ACTN1: variants seen among roughly 807,000 people sequenced by gnomAD.
The protein encoded by ACTN1 is actinin alpha 1, also known as alpha-actinin-1.
ACTN1 carries 30 observed loss-of-function variants against 119.6 expected under a neutral mutation model. The observed-to-expected ratio is 0.25, with a 90% CI of 0.19 to 0.34. The LOEUF is 0.34. Ranked by LOEUF, ACTN1 falls within the 10% of genes least tolerant of loss-of-function variation. The pLI, the probability that ACTN1 is intolerant of heterozygous loss-of-function variation, is 1.00. For synonymous variants in ACTN1, 429 were observed against 472.6 expected (o/e 0.91, Z 1.20); for missense variants, 764 against 1,223.4 (o/e 0.62, Z 5.60).
At chr14:68,891,811 G>C (rs1210411692) in intron 10 of ACTN1, among the ~76,000 whole-genome samples, 6 of 152,150 alleles carry the variant, frequency 3.9e-5, no homozygotes, top group Admixed American at 3.3e-4. Flanking sequence ...GATGCTCAGG[G>C]GTCTGGAAGG....
Position 68,925,758 on chromosome 14 carries a change from G to A in ACTN1, c.106-86C>T. ...AGCCATTTAATGGTGCCAGGGGGTG[G>A]GAGGTGGACACCTACTCAGCAGAGC... On this transcript the variant is annotated intron_variant, in intron 1 of 21. Coordinates refer to ENST00000394419, the MANE Select transcript of ACTN1 (RefSeq NM_001130004.2). The surrounding 1 kb of genome is among the most constrained non-coding windows in gnomAD (Gnocchi z 4.3). 9.5e-7 allele frequency: 1 copy of A among 1,051,134 alleles called. No individual in the cohort carries two copies. 65.1% of individuals were successfully genotyped at this position (1,051,134 alleles called of 1,614,324 possible).
chr14:68,880,910 A>G lies in ACTN1; in HGVS notation c.2033T>C (p.Ile678Thr). The change falls in exon 17 of 22, where the codon ATC becomes ACC. Residue 678 changes from isoleucine to threonine, a missense_variant. Coordinates refer to ENST00000394419, the MANE Select transcript of ACTN1 (RefSeq NM_001130004.2). This position sits in a 1 kb window ranked among gnomAD's most constrained non-coding sequence, Gnocchi z 4.6. ...LSHLRQYEKS[I>T]VNYKPKIDQL... Reference sequence around the variant, plus strand: ...ATCAATCTTTGGCTTGTAGTTGACGATGCTCTTCTCATACTGCCGCAGGTG... The same window carrying G: ...ATCAATCTTTGGCTTGTAGTTGACGGTGCTCTTCTCATACTGCCGCAGGTG... The G allele has an allele frequency of 6.2e-7, 1 of 1,614,074 alleles. No homozygotes were observed. Among genetic ancestry groups the G allele is most frequent in the Non-Finnish European group, 8.5e-7 (1 of 1,179,976 alleles).
intron 8 of ACTN1, among the ~76,000 whole-genome samples, chr14:68,898,548 C>T (rs974933617): frequency 3.3e-5 from 5 of 152,104 alleles, no homozygotes; most frequent in African/African-American, 9.7e-5. Context: ...CTTTCCTCAT[C>T]GGTGCCAGCC....
rs990329899 is a variant in ACTN1, at chr14:68,921,187, C to A, written c.221-62G>T. 5 of 1,594,736 alleles carry A rather than the reference C, an allele frequency of 3.1e-6. No individual in the cohort carries two copies. In the Admixed American group the frequency reaches 8.5e-5, roughly 27 times the overall value. ...CGCTATGAGCCAGGGGCCAGAGCTACTACCACTACACCCTCATCCAAAGCA... is the reference window on the plus strand; with the variant it reads ...CGCTATGAGCCAGGGGCCAGAGCTAATACCACTACACCCTCATCCAAAGCA... On this transcript the variant is annotated intron_variant, in intron 2 of 21. Transcript: ENST00000394419.
intron 1 of ACTN1, among the ~76,000 whole-genome samples, chr14:68,962,730 T>G (rs1476426482): frequency 6.6e-6 from 1 of 152,230 alleles, no homozygotes; most frequent in Non-Finnish European, 1.5e-5. Context: ...ACATCCCCTC[T>G]TTCAAATGAC....
chr14:68,885,599 G>A lies in ACTN1; in HGVS notation c.1235-24C>T, dbSNP rs1171687648. The A allele has an allele frequency of 1.9e-6, 3 of 1,608,638 alleles. No homozygotes were observed. Among genetic ancestry groups the A allele is most frequent in the East Asian group, 4.5e-5 (2 of 44,860 alleles). The stretch of plus-strand genomic sequence containing the variant: ...GCCTGGGTTGAGAGAGGGCCACATG[G>A]CTGAGCTGGAGTGAGAAGCATCTCC... On this transcript the variant is annotated intron_variant, in intron 11 of 21. Transcript: ENST00000394419. This position sits in a 1 kb window ranked among gnomAD's most constrained non-coding sequence, Gnocchi z 5.6.
chr14:68,925,550 CGCCTCACCT>C lies in ACTN1; in HGVS notation c.219_220+7del. ...CAGTATCTCGTCCTGGGCCAGGTTCCGCCTCACCTGAGATGACCTCCAGCAGCAGCATGA... is the reference window on the plus strand; with the variant it reads ...CAGTATCTCGTCCTGGGCCAGGTTCCGAGATGACCTCCAGCAGCAGCATGA... On this transcript the variant is annotated splice_donor_variant and splice_donor_5th_base_variant and coding_sequence_variant and intron_variant, in exon 2 of 22. Coordinates refer to ENST00000394419, the MANE Select transcript of ACTN1 (RefSeq NM_001130004.2). LOFTEE classifies it high-confidence loss of function. This position sits in a 1 kb window ranked among gnomAD's most constrained non-coding sequence, Gnocchi z 4.3. 6.2e-7 allele frequency: 1 copy of C among 1,608,758 alleles called. No individual in the cohort carries two copies. Among genetic ancestry groups the C allele is most frequent in the Non-Finnish European group, 8.5e-7 (1 of 1,176,514 alleles).
chr14:68,874,968 G>A lies in ACTN1; in HGVS notation c.2636C>T (p.Ala879Val), dbSNP rs780057510. The change falls in exon 22 of 22, where the codon GCT becomes GTT. Residue 879 changes from alanine to valine, a missense_variant. By Grantham distance (64) the Ala-to-Val change is moderately conservative. Coordinates refer to ENST00000394419, the MANE Select transcript of ACTN1 (RefSeq NM_001130004.2). The stretch of plus-strand genomic sequence containing the variant: ...GGCCATCCGCGCGATGCAGTACTCA[G>A]CCTGGTCGGGTGGCAGCTCGCGGCG... ...ELRRELPPDQAEYCIARMAPY... is the reference protein window; with the variant it reads ...ELRRELPPDQVEYCIARMAPY... 4.3e-6 allele frequency: 7 copies of A among 1,613,822 alleles called. No homozygotes were observed. The South Asian group carries it at 7.7e-5, about 18-fold the overall frequency.
intron 3 of ACTN1, among the ~76,000 whole-genome samples, chr14:68,915,171 A>C (rs1594807106): frequency 6.6e-6 from 1 of 151,406 alleles, no homozygotes; most frequent in African/African-American, 2.4e-5. Flanking sequence ...ACAGCTTCCC[A>C]CCTCCCTGAG....
chr14:68,898,999 A>G (rs1167778088), intron 8 of ACTN1, among the ~76,000 whole-genome samples: 1 of 138,158 alleles, frequency 7.2e-6, no homozygotes, highest in Non-Finnish European at 1.6e-5. Flanking sequence ...CACCACACAC[A>G]CCCTACACCT....
intron 9 of ACTN1, 53 bp downstream of exon 9, chr14:68,893,602 C>T: frequency 2.6e-6 from 4 of 1,547,822 alleles, no homozygotes; most frequent in Non-Finnish European, 3.6e-6. Flanking sequence ...GGTACACGTT[C>T]TAGGGGACTG....
chr14:68,957,641 T>C (rs576018225), intron 1 of ACTN1, among the ~76,000 whole-genome samples: 1 of 152,294 alleles, frequency 6.6e-6, no homozygotes, highest in South Asian at 2.1e-4. Flanking sequence ...TGTAACTGCT[T>C]AGGTGATGGT....
intron 8 of ACTN1, among the ~76,000 whole-genome samples, chr14:68,896,421 C>T (rs942694380): frequency 2.6e-5 from 4 of 152,038 alleles, no homozygotes; most frequent in African/African-American, 7.3e-5. Flanking sequence ...CTTAGGCCCA[C>T]GGGACACGAT....
At chr14:68,921,302 G>T (rs2034634153) in intron 2 of ACTN1, 177 bp from the exon 3 acceptor site, 3 of 674,202 alleles carry the variant, frequency 4.4e-6, no homozygotes, top group Non-Finnish European at 6.8e-6. Flanking sequence ...CCCTGGCAGG[G>T]AATGAGAGGG....
At chr14:68,898,431 G>A (rs778284468) in intron 8 of ACTN1, among the ~76,000 whole-genome samples, 10 of 152,200 alleles carry the variant, frequency 6.6e-5, no homozygotes, top group East Asian at 1.9e-4. Flanking sequence ...TGCACCACAC[G>A]TGCACACACA....
chr14:68,954,850 TC>T (rs1472853891), intron 1 of ACTN1, among the ~76,000 whole-genome samples: 1 of 152,234 alleles, frequency 6.6e-6, no homozygotes, highest in Non-Finnish European at 1.5e-5. Context: ...AGACTTTTTT[TC>T]TTTTTAAAAA....
chr14:68,930,513 T>C (rs923067152), intron 1 of ACTN1, among the ~76,000 whole-genome samples: 4 of 152,160 alleles, frequency 2.6e-5, no homozygotes, highest in African/African-American at 9.7e-5. Context: ...GCATCCTTCA[T>C]ACCCTTGGTC....
intron 1 of ACTN1, among the ~76,000 whole-genome samples, chr14:68,940,292 C>G (rs1324147722): frequency 6.6e-6 from 1 of 152,164 alleles, no homozygotes; most frequent in African/African-American, 2.4e-5. Flanking sequence ...AGCTCTGGGT[C>G]ACTCAATTCC....
intron 8 of ACTN1, among the ~76,000 whole-genome samples, chr14:68,896,820 A>C (rs1357220665): frequency 1.3e-5 from 2 of 152,208 alleles, no homozygotes; most frequent in Non-Finnish European, 2.9e-5. Context: ...TGCACAGATA[A>C]TTGATGGCTT....
Sources: gnomAD v4.1 joint callset for allele counts (sites outside exome capture counted in the v4.1 genomes callset) on GRCh38, gnomAD v4.1.1 for gene constraint, Gnocchi (gnomAD v3.1) non-coding constraint, MANE v1.5 for transcripts, NCBI Gene and HGNC (gene_info 2026-07-23, HGNC 2026-07-21) for gene names.